ANXA5: variants seen among roughly 807,000 people sequenced by gnomAD.
ANXA5 encodes the protein CBP-I.
ANXA5 carries 40 observed loss-of-function variants against 48.1 expected under a neutral mutation model. That is an observed-to-expected ratio of 0.83 (90% CI 0.65 to 1.08). ANXA5 has a LOEUF of 1.08. ANXA5 is among the 50% of genes least tolerant of loss of function. The pLI is 0.00. For missense variants in ANXA5, 357 were observed against 376.8 expected (o/e 0.95, Z 0.44); for synonymous variants, 113 against 129.1 (o/e 0.88, Z 0.85).
chr4:121,691,705 G>A (rs1724987248), intron 2 of ANXA5, among the ~76,000 whole-genome samples: 2 of 152,072 alleles, frequency 1.3e-5, no homozygotes, highest in Non-Finnish European at 2.9e-5. Context: ...ACAGTAAGCT[G>A]GGAAGACAAT....
At chr4:121,683,338 A>ATGTTCCTTTCACTCATCCTTTT (rs1560827748) in intron 5 of ANXA5, 26 bp downstream of exon 5, 2 of 1,403,604 alleles carry the variant, frequency 1.4e-6, no homozygotes, top group Admixed American at 1.8e-5. Flanking sequence ...CTATGCAAGA[A>ATGTTCCTTTCACTCATCCTTTT]TGTTCCTTTC....
intron 2 of ANXA5, among the ~76,000 whole-genome samples, chr4:121,694,991 T>G (rs1019558385): frequency 2.6e-5 from 4 of 152,230 alleles, no homozygotes; most frequent in Non-Finnish European, 5.9e-5. Context: ...TTATACTATT[T>G]GGGTAAACAG....
Position 121,668,460 on chromosome 4 carries a change from G to A in ANXA5, c.*8C>T, listed in dbSNP as rs200562990. On this transcript the variant is annotated 3_prime_UTR_variant, in exon 13 of 13. Transcript: ENST00000296511. ...GGCACACAGCAGGGAGCTCTTCCCC[G>A]TGACACGTTAGTCATCTTCTCCACA... 1.5e-4 allele frequency: 243 copies of A among 1,613,234 alleles called. No homozygotes were observed. The highest frequency in any genetic ancestry group is 1.4e-3 in the Admixed American group (84 of 59,984).
At chr4:121,681,604 T>A (rs1724793564) in intron 6 of ANXA5, 67 bp downstream of exon 6, 1 of 1,110,164 alleles carries the variant, frequency 9.0e-7, no homozygotes, top group South Asian at 1.3e-5. Flanking sequence ...AAGGACTGCA[T>A]TCAAATCACA....
Position 121,687,263 on chromosome 4 carries a change from G to A in ANXA5, c.10-891C>T, listed in dbSNP as rs934985328. Among the ~76,000 whole-genome samples, 3 of 147,454 alleles carry A rather than the reference G, an allele frequency of 2.0e-5. No individual in the cohort carries two copies. The East Asian group carries it at 6.0e-4, about 29-fold the overall frequency. On this transcript the variant is annotated intron_variant, in intron 2 of 12. Transcript: ENST00000296511. The stretch of plus-strand genomic sequence containing the variant: ...TGCAGTGAGCCAAGATCGCGCCACT[G>A]CACTCCAGCCAAGGTGACAGAGCGA...
chr4:121,696,173 CG>C (rs1381834397), intron 2 of ANXA5, among the ~76,000 whole-genome samples: 1 of 9,320 alleles, frequency 1.1e-4, no homozygotes, highest in Non-Finnish European at 2.1e-4. Context: ...TAAAGGAAGT[CG>C]GGGGGCGGGG....
In ANXA5 at chr4:121,682,014, C is replaced by T. The variant is rs143746217; in HGVS notation, c.304-253G>A. 5.7e-3 allele frequency among the ~76,000 whole-genome samples: 870 copies of T among 152,102 alleles called. 14 individuals are homozygous for T. The highest frequency in any genetic ancestry group is 0.019 in the African/African-American group (779 of 41,478). On this transcript the variant is annotated intron_variant, in intron 5 of 12. Transcript: ENST00000296511. The stretch of plus-strand genomic sequence containing the variant: ...ATGTGTATGTGTGTATATATGTGTA[C>T]GTATACATAACCAGTTACATAAATT...
At chr4:121,696,715 G>A (rs1323045044) in intron 1 of ANXA5, 91 bp from the exon 2 acceptor site, 3 of 888,078 alleles carry the variant, frequency 3.4e-6, no homozygotes, top group Middle Eastern at 3.5e-4. Flanking sequence ...GCGGCGCTCA[G>A]ACAGCCCGGA....
At chr4:121,677,808 C>A (rs1434790234) in intron 8 of ANXA5, 86 bp downstream of exon 8, 4 of 1,164,628 alleles carry the variant, frequency 3.4e-6, no homozygotes, top group Non-Finnish European at 5.1e-6. Flanking sequence ...GAAGCTATTA[C>A]AACATACATT....
At position 121,684,761 on chromosome 4, in the gene ANXA5, C is replaced by T; in HGVS notation, c.105G>A (p.Glu35=). Residue 35 remains glutamate, a synonymous_variant, in exon 4 of 13, where the codon GAG becomes GAA. Coordinates refer to ENST00000296511, the MANE Select transcript of ANXA5 (RefSeq NM_001154.4). ...RKAMKGLGTD[E]ESILTLLTSR... is the part of the protein sequence containing the mutation. Reference sequence around the variant, plus strand: ...ATGTCAACAGAGTCAGGATGCTCTCCTCATCTGTGCCTGCAATTTATGGTT... The same window carrying T: ...ATGTCAACAGAGTCAGGATGCTCTCTTCATCTGTGCCTGCAATTTATGGTT... The T allele has an allele frequency of 1.2e-6, 2 of 1,613,698 alleles. No homozygotes were observed.
chr4:121,675,090 T>C (rs571570915), intron 8 of ANXA5, among the ~76,000 whole-genome samples: 7 of 152,286 alleles, frequency 4.6e-5, no homozygotes, highest in African/African-American at 1.7e-4. Context: ...TCTCCCTCTT[T>C]CCTCTAAGAG....
At chr4:121,687,010 A>C (rs1191677979) in intron 2 of ANXA5, among the ~76,000 whole-genome samples, 1 of 152,228 alleles carries the variant, frequency 6.6e-6, no homozygotes, top group Admixed American at 6.5e-5. Flanking sequence ...TATTTCAAAA[A>C]AAATTAGTGA....
At chr4:121,673,594 T>C (rs1724646661) in intron 8 of ANXA5, among the ~76,000 whole-genome samples, 1 of 152,164 alleles carries the variant, frequency 6.6e-6, no homozygotes, top group Non-Finnish European at 1.5e-5. Flanking sequence ...TAAAGATCTA[T>C]TTTTTATTAT....
At position 121,669,733 on chromosome 4, in the gene ANXA5, A is replaced by C; in HGVS notation, c.781-9T>G. ...TCATCTGTCCCAGCTCCCTTTAAAA[A>C]AAAAAAAAAAGAGAGAAGCAAAATG... On this transcript the variant is annotated splice_polypyrimidine_tract_variant and intron_variant, in intron 11 of 12. Coordinates refer to ENST00000296511, the MANE Select transcript of ANXA5 (RefSeq NM_001154.4). 1 of 1,578,560 alleles carries C rather than the reference A, an allele frequency of 6.3e-7. No homozygotes were observed. Among genetic ancestry groups the C allele is most frequent in the Non-Finnish European group, 8.5e-7 (1 of 1,170,246 alleles).
intron 3 of ANXA5, among the ~76,000 whole-genome samples, chr4:121,685,347 T>C (rs950368194): frequency 1.1e-4 from 16 of 152,160 alleles, no homozygotes; most frequent in Admixed American, 7.9e-4. Context: ...AAGAAGGGTC[T>C]CCTAGCTGAT....
Position 121,672,227 on chromosome 4 carries a change from C to T in ANXA5, c.625+306G>A, listed in dbSNP as rs1432556320. ...CAGAGATAAGGTCCTGGGTACCAACCTCTAGGAGGAAATACGTGTAGTGAG... is the reference window on the plus strand; with the variant it reads ...CAGAGATAAGGTCCTGGGTACCAACTTCTAGGAGGAAATACGTGTAGTGAG... On this transcript the variant is annotated intron_variant, in intron 9 of 12. Transcript: ENST00000296511. 2.6e-5 allele frequency among the ~76,000 whole-genome samples: 4 copies of T among 152,280 alleles called. No individual in the cohort carries two copies. The East Asian group carries it at 5.8e-4, about 22-fold the overall frequency.
At chr4:121,694,869 T>C (rs1176055664) in intron 2 of ANXA5, among the ~76,000 whole-genome samples, 2 of 152,226 alleles carry the variant, frequency 1.3e-5, no homozygotes, top group East Asian at 3.8e-4. Flanking sequence ...AGGTACATAA[T>C]TTTATATGCA....
intron 2 of ANXA5, among the ~76,000 whole-genome samples, chr4:121,688,399 G>C (rs1205003800): frequency 2.6e-5 from 4 of 152,054 alleles, no homozygotes; most frequent in Non-Finnish European, 5.9e-5. Context: ...CCCCTAACTT[G>C]ATGTTTCCTG....
At chr4:121,679,614 C>T (rs1478200892) in intron 6 of ANXA5, among the ~76,000 whole-genome samples, 2 of 152,150 alleles carry the variant, frequency 1.3e-5, no homozygotes, top group African/African-American at 2.4e-5. Context: ...CCACAGCAGC[C>T]AGGCCCTCTC....
Sources: gnomAD v4.1 joint callset for allele counts (sites outside exome capture counted in the v4.1 genomes callset) on GRCh38, gnomAD v4.1.1 for gene constraint, MANE v1.5 for transcripts, NCBI Gene and HGNC (gene_info 2026-07-23, HGNC 2026-07-21) for gene names.